Variants in MCU observed in about 807,000 individuals in gnomAD.
MCU encodes calcium uniporter protein, mitochondrial.
In MCU, 12 loss-of-function variants were observed where a neutral mutation model predicts 45.2. That is an observed-to-expected ratio of 0.27 (90% CI 0.17 to 0.43). MCU has a LOEUF of 0.43. Among genes scored for constraint, MCU ranks in the 20% least tolerant of loss-of-function variants. MCU has a pLI of 1.00. For synonymous variants in MCU, 160 were observed against 165.1 expected (o/e 0.97, Z 0.24); for missense variants, 324 against 436.7 (o/e 0.74, Z 2.30).
At chr10:72,755,134 T>A (rs914370889) in intron 1 of MCU, among the ~76,000 whole-genome samples, 1 of 149,528 alleles carries the variant, frequency 6.7e-6, no homozygotes, top group Non-Finnish European at 1.5e-5. Flanking sequence ...TTACTAGATA[T>A]GTGAACCTGA....
intron 1 of MCU, among the ~76,000 whole-genome samples, chr10:72,693,766 A>G (rs1038039429): frequency 2.6e-5 from 4 of 152,200 alleles, no homozygotes; most frequent in African/African-American, 9.6e-5. Context: ...TGCATGTTTC[A>G]TAGCCTCTAG....
chr10:72,865,559 GAGAC>G (rs1183995695), intron 4 of MCU, among the ~76,000 whole-genome samples: 4 of 151,836 alleles, frequency 2.6e-5, no homozygotes, highest in Non-Finnish European at 4.4e-5. Context: ...TTATTTTTCT[GAGAC>G]AGGGTCTCAC....
intron 1 of MCU, among the ~76,000 whole-genome samples, chr10:72,818,119 A>C (rs1338369580): frequency 6.6e-6 from 1 of 152,252 alleles, no homozygotes; most frequent in Non-Finnish European, 1.5e-5. Flanking sequence ...AGGCTTAAAC[A>C]GTTGATAATT....
chr10:72,727,511 T>C (rs2132680096), intron 1 of MCU, among the ~76,000 whole-genome samples: 1 of 152,340 alleles, frequency 6.6e-6, no homozygotes, highest in South Asian at 2.1e-4. Context: ...GATTACAATC[T>C]GTCTTTTCAG....
intron 1 of MCU, among the ~76,000 whole-genome samples, chr10:72,724,805 A>G (rs547986808): frequency 7.9e-5 from 12 of 152,342 alleles, no homozygotes; most frequent in Middle Eastern, 3.4e-3. Context: ...CCTTTGGAAT[A>G]GATGGATTCT....
intron 1 of MCU, among the ~76,000 whole-genome samples, chr10:72,829,129 A>T (rs11000423): frequency 0.53 from 80,311 of 151,828 alleles, 23,066 homozygotes; most frequent in Non-Finnish European, 0.67. Context: ...GAGACCAGCC[A>T]GGCCAACATG....
intron 1 of MCU, among the ~76,000 whole-genome samples, chr10:72,808,889 C>A (rs1001348331): frequency 5.3e-5 from 8 of 152,186 alleles, no homozygotes; most frequent in Admixed American, 5.2e-4. Flanking sequence ...CTCCATGATT[C>A]AGTCACCTCC....
chr10:72,702,154 G>A (rs1842766595), intron 1 of MCU, among the ~76,000 whole-genome samples: 1 of 151,766 alleles, frequency 6.6e-6, no homozygotes, highest in Admixed American at 6.6e-5. Context: ...GGGAGGCCGA[G>A]GCAGGAGAAT....
intron 2 of MCU, among the ~76,000 whole-genome samples, chr10:72,858,074 G>A (rs1845319998): frequency 6.6e-6 from 1 of 152,172 alleles, no homozygotes; most frequent in South Asian, 2.1e-4. Context: ...AGGCTGCAGG[G>A]TGGCCATTCT....
intron 2 of MCU, among the ~76,000 whole-genome samples, chr10:72,837,966 C>G (rs1564570769): frequency 6.6e-6 from 1 of 151,132 alleles, no homozygotes. Context: ...AAGTGATTCT[C>G]CTGCCTCAGC....
chr10:72,805,163 C>CTTTCTTTCTT (rs1187966928), intron 1 of MCU, among the ~76,000 whole-genome samples: 6 of 134,670 alleles, frequency 4.5e-5, no homozygotes, highest in African/African-American at 1.6e-4. Flanking sequence ...TTCTTTCTGT[C>CTTTCTTTCTT]TCTCTCTCTC....
In MCU at chr10:72,885,921, C is replaced by T. The variant is rs1490517951; in HGVS notation, c.*99C>T. 27 of 848,822 alleles carry T rather than the reference C, an allele frequency of 3.2e-5. No homozygotes were observed. The highest frequency in any genetic ancestry group is 5.0e-5 in the Non-Finnish European group (26 of 523,962). 52.6% of individuals were successfully genotyped at this position (848,822 alleles called of 1,614,324 possible). On this transcript the variant is annotated 3_prime_UTR_variant, in exon 8 of 8. Transcript: ENST00000373053. The stretch of plus-strand genomic sequence containing the variant: ...GCTGGGAGCCATGTGGGGGGTAGAG[C>T]GTTTTTACCTTTAATTATAAAACAA...
rs964768992 is a variant in MCU, at chr10:72,871,280, G to C, written c.658-97G>C. 3.8e-6 allele frequency: 4 copies of C among 1,055,144 alleles called. No homozygotes were observed. The Admixed American group carries it at 7.3e-5, about 19-fold the overall frequency. The allele number at this position is 1,055,144 out of a possible 1,614,324, so 65.4% of individuals were successfully genotyped here. A position where few individuals can be genotyped will look rare whatever the true frequency, so the allele number is the denominator to read the frequency against. On this transcript the variant is annotated intron_variant, in intron 5 of 7. Coordinates refer to ENST00000373053, the MANE Select transcript of MCU (RefSeq NM_138357.3). ...TTACTAGAATTGAGACTTGTGTCTTGATGATGAGCCCTGTTTCTTTAGTGA... is the reference window on the plus strand; with the variant it reads ...TTACTAGAATTGAGACTTGTGTCTTCATGATGAGCCCTGTTTCTTTAGTGA...
At chr10:72,864,513 T>A (rs1325277964) in intron 4 of MCU, among the ~76,000 whole-genome samples, 2 of 152,222 alleles carry the variant, frequency 1.3e-5, no homozygotes, top group Non-Finnish European at 2.9e-5. Flanking sequence ...TACAGCACTA[T>A]AAATTTATTT....
chr10:72,808,796 G>C (rs1333166523), intron 1 of MCU, among the ~76,000 whole-genome samples: 1 of 152,176 alleles, frequency 6.6e-6, no homozygotes, highest in Admixed American at 6.5e-5. Context: ...AGAATGTGAA[G>C]GGGGAAGTGC....
At chr10:72,755,394 C>T (rs989130155) in intron 1 of MCU, among the ~76,000 whole-genome samples, 4 of 151,922 alleles carry the variant, frequency 2.6e-5, no homozygotes, top group Non-Finnish European at 4.4e-5. Flanking sequence ...GTGACCCACC[C>T]GCCTTGGCCT....
At chr10:72,774,974 C>A (rs553391466) in intron 1 of MCU, among the ~76,000 whole-genome samples, 24 of 152,178 alleles carry the variant, frequency 1.6e-4, no homozygotes, top group African/African-American at 5.5e-4. Context: ...ACACCACAGT[C>A]TCAGTAATGG....
chr10:72,703,883 T>G, intron 1 of MCU, among the ~76,000 whole-genome samples: 1 of 141,202 alleles, frequency 7.1e-6, no homozygotes. Flanking sequence ...AGCAAGACTC[T>G]GTCTCAAAAC....
At chr10:72,697,665 A>G (rs1398500167) in intron 1 of MCU, among the ~76,000 whole-genome samples, 3 of 150,754 alleles carry the variant, frequency 2.0e-5, no homozygotes, top group Non-Finnish European at 4.4e-5. Context: ...TGAACTCCTG[A>G]CCTCGTGATC....
Sources: allele counts gnomAD v4.1 joint callset (sites outside exome capture counted in the v4.1 genomes callset), GRCh38; gene constraint gnomAD v4.1.1; transcripts MANE v1.5; gene names NCBI Gene and HGNC (gene_info 2026-07-23, HGNC 2026-07-21).